Variants in CEP350 observed in about 807,000 individuals in gnomAD.
The protein encoded by CEP350 is centrosomal protein 350.
In CEP350, 126 loss-of-function variants were observed where a neutral mutation model predicts 331.8. The observed-to-expected ratio is 0.38, with a 90% CI of 0.33 to 0.44. The LOEUF is 0.44. Among genes scored for constraint, CEP350 ranks in the 20% least tolerant of loss-of-function variants. The pLI is 1.00. For missense variants in CEP350, 3,406 were observed against 3,634.6 expected, an observed-to-expected ratio of 0.94 and a Z score of 1.62; for synonymous variants, 1,200 against 1,259.5, an observed-to-expected ratio of 0.95 and a Z score of 1.00.
At chr1:179,969,538 A>G (rs532251103) in intron 1 of CEP350, 2 of 380,188 alleles carry the variant, frequency 5.3e-6, no homozygotes, top group Non-Finnish European at 1.0e-5. Flanking sequence ...CTCTTAAGCA[A>G]CATGGAAACA....
intron 37 of CEP350, among the ~76,000 whole-genome samples, 175 bp from the exon 38 acceptor site, chr1:180,110,821 GT>G (rs1054693001): frequency 1.3e-5 from 2 of 152,086 alleles, no homozygotes; most frequent in African/African-American, 4.8e-5. Flanking sequence ...GGCAATTGAG[GT>G]TTTTTCAACT....
chr1:180,090,645 ATGTC>A (rs1343299460), intron 32 of CEP350, 65 bp from the exon 33 acceptor site: 31 of 1,389,382 alleles, frequency 2.2e-5, no homozygotes, highest in Non-Finnish European at 2.9e-5. Flanking sequence ...TTGTCTAAGA[ATGTC>A]TGCTTTTTGT....
intron 1 of CEP350, among the ~76,000 whole-genome samples, chr1:179,958,496 G>T (rs1338698081): frequency 6.6e-6 from 1 of 152,166 alleles, no homozygotes; most frequent in African/African-American, 2.4e-5. Flanking sequence ...GAATTACTGT[G>T]CAGTTGTTAA....
At chr1:180,055,625 A>T (rs1276936409) in intron 25 of CEP350, among the ~76,000 whole-genome samples, 2 of 130,270 alleles carry the variant, frequency 1.5e-5, no homozygotes, top group Non-Finnish European at 1.5e-5. Flanking sequence ...ATCTCGGCTC[A>T]CTGCAAGCTC....
At chr1:180,090,478 G>A (rs1361936592) in intron 32 of CEP350, among the ~76,000 whole-genome samples, 30 of 146,092 alleles carry the variant, frequency 2.1e-4, no homozygotes, top group African/African-American at 4.5e-4. Flanking sequence ...CCCGGGAGGC[G>A]GAGCTTGCAG....
intron 7 of CEP350, among the ~76,000 whole-genome samples, chr1:180,005,752 C>T (rs534413151): frequency 1.1e-3 from 169 of 152,258 alleles, no homozygotes; most frequent in African/African-American, 3.8e-3. Context: ...TACTAATCTT[C>T]TCTTTTTTCA....
At chr1:179,973,057 C>T (rs1369769179) in intron 1 of CEP350, among the ~76,000 whole-genome samples, 4 of 151,782 alleles carry the variant, frequency 2.6e-5, no homozygotes, top group South Asian at 2.1e-4. Flanking sequence ...TTAGTAGAGA[C>T]GGGGTTTCAC....
In CEP350 at chr1:180,075,488, G is replaced by C. The variant is rs186716268; in HGVS notation, c.5767+267G>C. 7.1e-4 allele frequency among the ~76,000 whole-genome samples: 108 copies of C among 152,044 alleles called. No homozygotes were observed. The Middle Eastern group carries it at 0.024, about 34-fold the overall frequency. On this transcript the variant is annotated intron_variant, in intron 28 of 37. Transcript: ENST00000367607. ...ATAGTCCTAGCTACTGAGGCAAGAG[G>C]CTTGCTTGAGATCAAGGTTACAGAG...
intron 26 of CEP350, 66 bp downstream of exon 26, chr1:180,062,432 C>T (rs1658280501): frequency 6.8e-7 from 1 of 1,460,848 alleles, no homozygotes; most frequent in Non-Finnish European, 9.1e-7. Context: ...AACCCTGTCT[C>T]ATGTTCTAAG....
intron 27 of CEP350, 21 bp downstream of exon 27, chr1:180,065,293 T>C: frequency 3.8e-6 from 6 of 1,592,400 alleles, no homozygotes; most frequent in Non-Finnish European, 5.1e-6. Flanking sequence ...TTTATAAATA[T>C]CTCTTGTTTA....
chr1:180,046,679 G>GC (rs1281373514), intron 21 of CEP350, among the ~76,000 whole-genome samples: 1 of 152,154 alleles, frequency 6.6e-6, no homozygotes, highest in Non-Finnish European at 1.5e-5. Flanking sequence ...AGTAACTGCA[G>GC]CATTTTATAC....
At chr1:180,077,289 AAC>A (rs1377833235) in intron 28 of CEP350, among the ~76,000 whole-genome samples, 15 of 152,300 alleles carry the variant, frequency 9.8e-5, no homozygotes, top group Admixed American at 9.1e-4. Flanking sequence ...ATATAATAGA[AAC>A]AAAAAATATG....
chr1:180,036,362 G>A (rs1162966481), intron 16 of CEP350, among the ~76,000 whole-genome samples: 1 of 152,196 alleles, frequency 6.6e-6, no homozygotes, highest in Non-Finnish European at 1.5e-5. Context: ...AGGTTCTACA[G>A]AAAGTGGGTC....
chr1:180,084,852 G>A (rs766211716), intron 31 of CEP350, among the ~76,000 whole-genome samples: 7 of 151,878 alleles, frequency 4.6e-5, no homozygotes, highest in Non-Finnish European at 8.8e-5. Context: ...TCCAGCCTGG[G>A]CAACATAGCA....
intron 1 of CEP350, among the ~76,000 whole-genome samples, chr1:179,971,350 G>A (rs552896227): frequency 1.3e-5 from 2 of 152,184 alleles, no homozygotes; most frequent in South Asian, 4.1e-4. Flanking sequence ...TTAAGACAGG[G>A]TCTCACCCCA....
Position 180,041,150 on chromosome 1 carries a change from C to T in CEP350, c.4123C>T (p.Arg1375Cys), listed in dbSNP as rs753418762. The change falls in exon 18 of 38, where the codon CGC becomes TGC. Residue 1375 changes from arginine to cysteine, a missense_variant. Arg to Cys is a radical substitution (Grantham distance 180). This residue lies in a region of CEP350 where 1,857 missense variants were observed against 1,909.2 expected (regional missense o/e 0.97). Coordinates refer to ENST00000367607, the MANE Select transcript of CEP350 (RefSeq NM_014810.5). ...LAQIIKAQQQ[R>C]HERDLALLKL... ...CATTATTTTGAAGGCACAACAGCAACGCCATGAAAGAGACTTGGCCCTCTT... is the reference window on the plus strand; with the variant it reads ...CATTATTTTGAAGGCACAACAGCAATGCCATGAAAGAGACTTGGCCCTCTT... The T allele has an allele frequency of 6.3e-6, 10 of 1,592,118 alleles. No individual in the cohort carries two copies. Among genetic ancestry groups the T allele is most frequent in the East Asian group, 4.5e-5 (2 of 44,136 alleles).
chr1:180,005,461 A>G (rs565344768), intron 7 of CEP350, among the ~76,000 whole-genome samples: 1 of 151,946 alleles, frequency 6.6e-6, no homozygotes, highest in African/African-American at 2.4e-5. Context: ...GAATATAATC[A>G]CTTTCACCAC....
At chr1:180,036,292 A>G (rs1367979234) in intron 16 of CEP350, among the ~76,000 whole-genome samples, 5 of 152,262 alleles carry the variant, frequency 3.3e-5, no homozygotes, top group African/African-American at 1.2e-4. Flanking sequence ...TAAATATTAC[A>G]TAAACTTTAA....
chr1:180,009,583 A>G (rs936219912), intron 8 of CEP350, among the ~76,000 whole-genome samples: 2 of 152,184 alleles, frequency 1.3e-5, no homozygotes, highest in Admixed American at 6.6e-5. Context: ...TGTTCCAGAA[A>G]GTTAGAATTT....
Sources: gnomAD v4.1 joint callset for allele counts (sites outside exome capture counted in the v4.1 genomes callset) on GRCh38, gnomAD v4.1.1 for gene constraint, gnomAD v4.1.1 regional missense constraint, MANE v1.5 for transcripts, NCBI Gene and HGNC (gene_info 2026-07-23, HGNC 2026-07-21) for gene names.